The following TBC1D19 variants were observed in gnomAD, a reference collection of about 807,000 sequenced individuals.
The protein encoded by TBC1D19 is TBC1 domain family member 19.
A neutral mutation model predicts 89.0 loss-of-function variants in TBC1D19; 60 were observed. The ratio of observed to expected loss-of-function variants is 0.67; its 90% confidence interval spans 0.55 to 0.84. The LOEUF is 0.84. Among genes scored for constraint, TBC1D19 ranks in the 40% least tolerant of loss-of-function variants. TBC1D19 has a pLI of 0.00. For missense variants in TBC1D19, 500 were observed against 610.8 expected, an observed-to-expected ratio of 0.82 and a Z score of 1.91; for synonymous variants, 189 against 199.7, an observed-to-expected ratio of 0.95 and a Z score of 0.45.
intron 4 of TBC1D19, among the ~76,000 whole-genome samples, chr4:26,635,554 T>G (rs1353497389): frequency 6.6e-6 from 1 of 152,150 alleles, no homozygotes; most frequent in African/African-American, 2.4e-5. Context: ...AAACTGAACT[T>G]TATACATTTC....
At chr4:26,637,119 A>T in intron 4 of TBC1D19, 92 bp from the exon 5 acceptor site, 1 of 907,126 alleles carries the variant, frequency 1.1e-6, no homozygotes, top group Non-Finnish European at 1.7e-6. Context: ...AACCAGCCTT[A>T]CCATTTCTAT....
chr4:26,654,017 A>T (rs1380994915), intron 7 of TBC1D19, among the ~76,000 whole-genome samples: 2 of 152,024 alleles, frequency 1.3e-5, no homozygotes, highest in Admixed American at 6.6e-5. Flanking sequence ...GGTACCGGTT[A>T]TTCCTTTCCA....
intron 18 of TBC1D19, among the ~76,000 whole-genome samples, chr4:26,745,815 A>G (rs1718618945): frequency 6.6e-6 from 1 of 151,876 alleles, no homozygotes; most frequent in Non-Finnish European, 1.5e-5. Context: ...CCCAGCCAAT[A>G]TACTTCTTTA....
chr4:26,742,272 T>TA (rs564643915), intron 17 of TBC1D19, among the ~76,000 whole-genome samples: 182 of 152,302 alleles, frequency 1.2e-3, no homozygotes, highest in African/African-American at 4.3e-3. Flanking sequence ...GCATATTGTG[T>TA]AAAAAGGGAG....
the TBC1D19 span, among the ~76,000 whole-genome samples, chr4:26,820,970 G>T: frequency 6.6e-6 from 1 of 152,206 alleles, no homozygotes; most frequent in African/African-American, 2.4e-5. Context: ...AAAAATATCT[G>T]TTGACTGGCT....
chr4:26,587,860 G>A (rs1560397988), intron 1 of TBC1D19, among the ~76,000 whole-genome samples: 1 of 151,660 alleles, frequency 6.6e-6, no homozygotes, highest in Non-Finnish European at 1.5e-5. Flanking sequence ...TTCTTCTTCT[G>A]TAAGCTTTTG....
intron 9 of TBC1D19, among the ~76,000 whole-genome samples, chr4:26,669,311 A>G (rs2109099840): frequency 6.6e-6 from 1 of 151,946 alleles, no homozygotes; most frequent in South Asian, 2.1e-4. Context: ...GAAGGGCTGT[A>G]TTGTATACCT....
chr4:26,638,679 AG>A, intron 5 of TBC1D19, 91 bp from the exon 6 acceptor site: 1 of 947,628 alleles, frequency 1.1e-6, no homozygotes, highest in East Asian at 2.5e-5. Flanking sequence ...TCATTTATTT[AG>A]CTTTTAAATA....
intron 9 of TBC1D19, among the ~76,000 whole-genome samples, chr4:26,670,878 G>A (rs942812184): frequency 3.3e-5 from 5 of 151,070 alleles, no homozygotes; most frequent in Non-Finnish European, 4.4e-5. Flanking sequence ...TCAAGGTGTT[G>A]TAGAGAATTA....
At chr4:26,851,327 A>ATCTGTCTGTCTG in the TBC1D19 span, among the ~76,000 whole-genome samples, 395 of 118,850 alleles carry the variant, frequency 3.3e-3, 3 homozygotes, top group African/African-American at 0.014. Context: ...CTATCTATCT[A>ATCTGTCTGTCTG]TCTATCTATC....
In TBC1D19 at chr4:26,751,399, C is replaced by A. The variant is rs561277768; in HGVS notation, c.1436-2421C>A. 5.3e-5 allele frequency among the ~76,000 whole-genome samples: 8 copies of A among 152,314 alleles called. No individual in the cohort carries two copies. In the South Asian group the frequency reaches 1.7e-3, roughly 32 times the overall value. ...TATATACAAAAAAGGAAGTAGTAAT[C>A]ATACTCTTTAACTGCTAAAATGCCT... On this transcript the variant is annotated intron_variant, in intron 19 of 20. Transcript: ENST00000264866.
chr4:26,842,923 C>T, the TBC1D19 span, among the ~76,000 whole-genome samples: 1 of 152,046 alleles, frequency 6.6e-6, no homozygotes, highest in African/African-American at 2.4e-5. Flanking sequence ...TTTCTCTGTT[C>T]TTTCACAGAA....
At chr4:26,731,142 G>A (rs114545959) in intron 15 of TBC1D19, among the ~76,000 whole-genome samples, 1,711 of 152,300 alleles carry the variant, frequency 0.011, 35 homozygotes, top group African/African-American at 0.039. Flanking sequence ...CTCAATCAAT[G>A]AGGGCAAATC....
At chr4:26,815,792 C>T in the TBC1D19 span, among the ~76,000 whole-genome samples, 1 of 152,166 alleles carries the variant, frequency 6.6e-6, no homozygotes, top group South Asian at 2.1e-4. Flanking sequence ...TATAGTTACA[C>T]CTAAACAAAA....
At chr4:26,812,175 A>G in the TBC1D19 span, among the ~76,000 whole-genome samples, 1 of 152,192 alleles carries the variant, frequency 6.6e-6, no homozygotes, top group Non-Finnish European at 1.5e-5. The surrounding 1 kb of genome is among the most constrained non-coding windows in gnomAD (Gnocchi z 4.2). Context: ...CTTGGGAGGC[A>G]GCGAGGAAGA....
At chr4:26,788,852 G>T in the TBC1D19 span, among the ~76,000 whole-genome samples, 3 of 152,192 alleles carry the variant, frequency 2.0e-5, no homozygotes, top group African/African-American at 4.8e-5. Context: ...GATCCCTGAA[G>T]CTGCCTCTCA....
In TBC1D19 at chr4:26,739,849, A is replaced by AT; in HGVS notation, c.1118-8dup. ...AGTAGTTCTGCAGTATTATAAATTA[A>AT]TTTTTTTCTTTCAGTTGCACCACTT... On this transcript the variant is annotated splice_polypyrimidine_tract_variant and intron_variant, in intron 16 of 20. Coordinates refer to ENST00000264866, the MANE Select transcript of TBC1D19 (RefSeq NM_018317.4). 1 of 1,468,262 alleles carries AT rather than the reference A, an allele frequency of 6.8e-7. No individual in the cohort carries two copies. The allele number at this position is 1,468,262 out of a possible 1,614,324, so 91.0% of individuals were successfully genotyped here. A position where few individuals can be genotyped will look rare whatever the true frequency, so the allele number is the denominator to read the frequency against.
the TBC1D19 span, among the ~76,000 whole-genome samples, chr4:26,817,981 AAT>A: frequency 0.012 from 1,499 of 126,030 alleles, 22 homozygotes; most frequent in African/African-American, 0.026. Context: ...AAAAAAAAAA[AAT>A]ATATATATAT....
intron 13 of TBC1D19, among the ~76,000 whole-genome samples, chr4:26,692,431 G>A (rs1714380009): frequency 6.6e-6 from 1 of 152,160 alleles, no homozygotes; most frequent in Admixed American, 6.5e-5. Context: ...AAGGCAAGCT[G>A]AGAAGACCAG....
Sources: gnomAD v4.1 joint callset for allele counts (sites outside exome capture counted in the v4.1 genomes callset) on GRCh38, gnomAD v4.1.1 for gene constraint, Gnocchi (gnomAD v3.1) non-coding constraint, MANE v1.5 for transcripts, NCBI Gene and HGNC (gene_info 2026-07-23, HGNC 2026-07-21) for gene names.